The following DENND1B variants were observed in gnomAD, a reference collection of about 807,000 sequenced individuals.
DENND1B encodes DENN domain containing 1B, also known as DENN domain-containing protein 1B.
In DENND1B, 59 loss-of-function variants were observed where a neutral mutation model predicts 90.1. The ratio of observed to expected loss-of-function variants is 0.65; its 90% CI spans 0.53 to 0.81. The LOEUF (loss-of-function observed/expected upper bound fraction) is 0.81, where lower values mean the gene tolerates loss of function less well. Among genes scored for constraint, DENND1B ranks in the 40% least tolerant of loss-of-function variants. The pLI, the probability that DENND1B is intolerant of heterozygous loss-of-function variation, is 0.00. For synonymous variants in DENND1B, 337 were observed against 324.6 expected (o/e 1.04, Z -0.41); for missense variants, 862 against 912.6 (o/e 0.94, Z 0.71).
chr1:197,538,947 A>T (rs1280290118), intron 20 of DENND1B, among the ~76,000 whole-genome samples: 1 of 152,100 alleles, frequency 6.6e-6, no homozygotes, highest in East Asian at 1.9e-4. Flanking sequence ...ACACAGCAAG[A>T]AGGGCCTCAT....
Position 197,674,174 on chromosome 1 carries a change from A to G in DENND1B, c.127-5T>C. 1.9e-6 allele frequency: 3 copies of G among 1,589,102 alleles called. No homozygotes were observed. Among genetic ancestry groups the G allele is most frequent in the Non-Finnish European group, 2.6e-6 (3 of 1,166,318 alleles). Reference sequence around the variant, plus strand: ...TGGCACACTCTGTAGTATTTCCTACAAATGGAAATTTCAAAAAAAAGAAAT... The same window carrying G: ...TGGCACACTCTGTAGTATTTCCTACGAATGGAAATTTCAAAAAAAAGAAAT... On this transcript the variant is annotated splice_region_variant and splice_polypyrimidine_tract_variant and intron_variant, in intron 3 of 22. Coordinates refer to ENST00000620048, the MANE Select transcript of DENND1B (RefSeq NM_001195215.2).
chr1:197,597,293 G>A (rs1047561246), intron 13 of DENND1B, among the ~76,000 whole-genome samples: 1 of 151,574 alleles, frequency 6.6e-6, no homozygotes, highest in African/African-American at 2.4e-5. Flanking sequence ...ATAGCAATGG[G>A]AGTGCATATC....
intron 2 of DENND1B, among the ~76,000 whole-genome samples, chr1:197,753,981 A>G (rs531505146): frequency 6.6e-6 from 1 of 152,234 alleles, no homozygotes; most frequent in Non-Finnish European, 1.5e-5. Flanking sequence ...GCCTGGCAAC[A>G]GAGCAAGATT....
intron 3 of DENND1B, among the ~76,000 whole-genome samples, chr1:197,701,939 A>G (rs1659073289): frequency 6.6e-6 from 1 of 152,196 alleles, no homozygotes; most frequent in Admixed American, 6.5e-5. Flanking sequence ...TTTATTATAC[A>G]CAGTATAACT....
intron 2 of DENND1B, among the ~76,000 whole-genome samples, chr1:197,737,194 C>T (rs1346627815): frequency 1.3e-5 from 2 of 152,136 alleles, no homozygotes; most frequent in Non-Finnish European, 2.9e-5. Flanking sequence ...CTGACAGCAA[C>T]ATCTCCAACA....
intron 14 of DENND1B, among the ~76,000 whole-genome samples, chr1:197,585,697 C>T (rs761610378): frequency 1.4e-4 from 22 of 152,242 alleles, no homozygotes; most frequent in South Asian, 4.1e-4. Context: ...TAACAAAAGG[C>T]AAAGCACTGA....
intron 15 of DENND1B, among the ~76,000 whole-genome samples, chr1:197,569,689 C>T (rs570727037): frequency 6.6e-6 from 1 of 151,710 alleles, no homozygotes; most frequent in South Asian, 2.1e-4. Flanking sequence ...GTAAAATAAG[C>T]CAGGCATCAA....
intron 15 of DENND1B, among the ~76,000 whole-genome samples, chr1:197,562,487 A>G (rs1672254286): frequency 6.6e-6 from 1 of 151,914 alleles, no homozygotes. Flanking sequence ...TTATATGATT[A>G]TAGTTGTTAT....
At chr1:197,663,130 G>A (rs1654589628) in intron 5 of DENND1B, among the ~76,000 whole-genome samples, 1 of 152,002 alleles carries the variant, frequency 6.6e-6, no homozygotes, top group Non-Finnish European at 1.5e-5. Context: ...CTAATCAAAA[G>A]ACTCATAATT....
chr1:197,541,394 G>A (rs1217545739), intron 18 of DENND1B, among the ~76,000 whole-genome samples: 1 of 152,146 alleles, frequency 6.6e-6, no homozygotes, highest in Non-Finnish European at 1.5e-5. Context: ...GCTTGAACTT[G>A]AAAAAACTTT....
chr1:197,763,092 C>T (rs1370481791), intron 2 of DENND1B, among the ~76,000 whole-genome samples: 2 of 152,132 alleles, frequency 1.3e-5, no homozygotes, highest in African/African-American at 4.8e-5. Flanking sequence ...AGGAGGATTA[C>T]TTGAGGTCAG....
At chr1:197,545,598 G>A (rs1670754364) in intron 18 of DENND1B, 2 of 224,624 alleles carry the variant, frequency 8.9e-6, no homozygotes, top group Non-Finnish European at 1.7e-5. Flanking sequence ...CAAGTACACA[G>A]CAAGAATGTA....
intron 3 of DENND1B, among the ~76,000 whole-genome samples, chr1:197,708,197 CG>C (rs1659814284): frequency 1.2e-5 from 1 of 86,464 alleles, no homozygotes; most frequent in Non-Finnish European, 2.3e-5. Context: ...ACAAAGCAGC[CG>C]GGAAGCTCGA....
intron 10 of DENND1B, among the ~76,000 whole-genome samples, chr1:197,620,921 T>C (rs1230258028): frequency 2.0e-5 from 3 of 151,210 alleles, no homozygotes; most frequent in Non-Finnish European, 4.4e-5. Flanking sequence ...CTATTTTAGA[T>C]AGGAGGATTA....
intron 2 of DENND1B, among the ~76,000 whole-genome samples, chr1:197,769,197 A>C (rs1924518): frequency 6.6e-6 from 1 of 151,650 alleles, no homozygotes. Context: ...TATATTCTAA[A>C]AGTTCTTTAA....
chr1:197,701,984 C>A (rs1245155738), intron 3 of DENND1B, among the ~76,000 whole-genome samples: 1 of 152,084 alleles, frequency 6.6e-6, no homozygotes, highest in African/African-American at 2.4e-5. Context: ...GCTTGTGAGA[C>A]CGTATGTCTA....
chr1:197,735,675 T>C (rs557478171), intron 2 of DENND1B: 2 of 1,614,048 alleles, frequency 1.2e-6, no homozygotes, highest in Admixed American at 1.7e-5. Context: ...GTACAAGGTC[T>C]ACCCCGGACA....
chr1:197,671,904 C>A, intron 5 of DENND1B, 133 bp downstream of exon 5: 1 of 942,622 alleles, frequency 1.1e-6, no homozygotes, highest in Non-Finnish European at 1.5e-6. Flanking sequence ...ATTCTGTATA[C>A]AGAAAATCAG....
intron 3 of DENND1B, among the ~76,000 whole-genome samples, chr1:197,685,944 T>C (rs1657189152): frequency 6.6e-6 from 1 of 152,202 alleles, no homozygotes; most frequent in South Asian, 2.1e-4. Flanking sequence ...TAAGTGAAGA[T>C]GCCAATTTTG....
Sources: gnomAD v4.1 joint callset for allele counts (sites outside exome capture counted in the v4.1 genomes callset) on GRCh38, gnomAD v4.1.1 for gene constraint, MANE v1.5 for transcripts, NCBI Gene and HGNC (gene_info 2026-07-23, HGNC 2026-07-21) for gene names.